The following CAMK1G variants were observed in gnomAD, a reference collection of about 807,000 sequenced individuals.
CAMK1G encodes calcium/calmodulin-dependent protein kinase type 1G.
Under a neutral mutation model 54.8 loss-of-function variants are expected in CAMK1G, and 27 were observed. The ratio of observed to expected loss-of-function variants is 0.49; its 90% confidence interval spans 0.36 to 0.68. The LOEUF is 0.68. Among genes scored for constraint, CAMK1G ranks in the 30% least tolerant of loss-of-function variants. CAMK1G has a pLI of 0.00. For synonymous variants in CAMK1G, 238 were observed against 224.9 expected (o/e 1.06, Z -0.52); for missense variants, 512 against 591.0 (o/e 0.87, Z 1.39).
At chr1:209,609,658 C>T (rs1665734889) in intron 8 of CAMK1G, among the ~76,000 whole-genome samples, 193 bp from the exon 9 acceptor site, 1 of 152,190 alleles carries the variant, frequency 6.6e-6, no homozygotes, top group Non-Finnish European at 1.5e-5. Flanking sequence ...CTTGGAGCTT[C>T]CCTTCTTTGG....
chr1:209,595,903 C>T (rs1256576240), intron 2 of CAMK1G, among the ~76,000 whole-genome samples: 7 of 150,292 alleles, frequency 4.7e-5, no homozygotes, highest in African/African-American at 1.7e-4. Context: ...CTGCCTCTCC[C>T]CTGGGAGGCT....
At chr1:209,603,592 G>A (rs911073413) in intron 4 of CAMK1G, among the ~76,000 whole-genome samples, 10 of 152,126 alleles carry the variant, frequency 6.6e-5, no homozygotes, top group Admixed American at 6.5e-4. Context: ...ACCCATCCAT[G>A]TCCTTCTGCT....
intron 1 of CAMK1G, among the ~76,000 whole-genome samples, chr1:209,585,677 C>A (rs1333537499): frequency 6.6e-6 from 1 of 152,224 alleles, no homozygotes; most frequent in Non-Finnish European, 1.5e-5. Flanking sequence ...AGCCTGGGAG[C>A]GATTCTACCT....
Position 209,611,570 on chromosome 1 carries a change from G to T in CAMK1G, c.915+18G>T. ...AGTGGAGGGTAAGCTGTCCTCTCCA[G>T]GGGGTGGGAAAGCTGTTCTGGGCCC... is the stretch of plus-strand genomic sequence containing the variant. On this transcript the variant is annotated intron_variant, in intron 10 of 12. Coordinates refer to ENST00000361322, the MANE Select transcript of CAMK1G (RefSeq NM_020439.3). The T allele has an allele frequency of 6.2e-7, 1 of 1,607,256 alleles. No homozygotes were observed. Among genetic ancestry groups the T allele is most frequent in the Non-Finnish European group, 8.5e-7 (1 of 1,174,038 alleles).
At chr1:209,595,204 A>G in intron 2 of CAMK1G, 129 bp downstream of exon 2, 1 of 658,848 alleles carries the variant, frequency 1.5e-6, no homozygotes, top group South Asian at 1.9e-5. Context: ...GATTTATTTA[A>G]GGGACTTAGG....
chr1:209,608,865 T>C, intron 7 of CAMK1G, 115 bp from the exon 8 acceptor site: 3 of 1,446,714 alleles, frequency 2.1e-6, no homozygotes, highest in South Asian at 2.7e-5. Flanking sequence ...CACACCACTG[T>C]TCTGGGACCT....
chr1:209,600,001 T>C lies in CAMK1G; in HGVS notation c.111T>C (p.Val37=), dbSNP rs950096767. 5.6e-6 allele frequency: 9 copies of C among 1,613,594 alleles called. No individual in the cohort carries two copies. The highest frequency in any genetic ancestry group is 2.7e-5 in the African/African-American group (2 of 74,938). The change falls in exon 3 of 13, where the codon GTT becomes GTC. Residue 37 remains valine, a synonymous_variant. Transcript: ENST00000361322. ...TCCTCAGAGGAGCTTTCTCAGAAGT[T>C]TTCCTGGTGAAGCAAAGACTGACTG... ...EVLGSGAFSE[V]FLVKQRLTGK... is the part of the protein sequence containing the mutation.
chr1:209,591,101 A>G (rs1165486873), intron 1 of CAMK1G, among the ~76,000 whole-genome samples: 3 of 151,588 alleles, frequency 2.0e-5, no homozygotes, highest in Non-Finnish European at 4.4e-5. Context: ...CTTATATTCT[A>G]TCTTCCTCAG....
chr1:209,611,675 C>A, intron 10 of CAMK1G, 117 bp from the exon 11 acceptor site: 1 of 1,471,212 alleles, frequency 6.8e-7, no homozygotes. Flanking sequence ...CGTGTACCCT[C>A]TCTGAAATGA....
intron 1 of CAMK1G, among the ~76,000 whole-genome samples, chr1:209,588,461 G>A (rs913386927): frequency 6.6e-6 from 1 of 152,134 alleles, no homozygotes; most frequent in African/African-American, 2.4e-5. Context: ...TAAGACTCTG[G>A]ATCACCTAAT....
intron 1 of CAMK1G, among the ~76,000 whole-genome samples, chr1:209,584,086 CT>C (rs1665032263): frequency 6.6e-6 from 1 of 152,158 alleles, no homozygotes; most frequent in Non-Finnish European, 1.5e-5. Flanking sequence ...CCTGCAATGC[CT>C]GCATTCTAGG....
intron 1 of CAMK1G, among the ~76,000 whole-genome samples, chr1:209,584,505 T>C (rs1348828831): frequency 6.6e-6 from 1 of 152,102 alleles, no homozygotes; most frequent in Non-Finnish European, 1.5e-5. Context: ...CTAGTTTACC[T>C]CTCAAGTGAA....
At chr1:209,607,979 C>T (rs1665691800) in intron 7 of CAMK1G, 46 bp downstream of exon 7, 3 of 1,444,438 alleles carry the variant, frequency 2.1e-6, no homozygotes, top group Non-Finnish European at 1.9e-6. Context: ...AGTCTCGGAG[C>T]CTGCTTACCC....
intron 1 of CAMK1G, among the ~76,000 whole-genome samples, chr1:209,584,444 C>T (rs551774474): frequency 4.6e-5 from 7 of 152,168 alleles, no homozygotes; most frequent in Non-Finnish European, 8.8e-5. Flanking sequence ...AAGACAGCTT[C>T]CTTCACCTTC....
At chr1:209,606,234 T>C (rs1665646918) in intron 5 of CAMK1G, 86 bp from the exon 6 acceptor site, 4 of 1,546,732 alleles carry the variant, frequency 2.6e-6, no homozygotes, top group South Asian at 2.4e-5. Context: ...CCAGGGCTCA[T>C]CTTCCTGTGA....
chr1:209,597,282 C>G (rs12074063), intron 2 of CAMK1G, among the ~76,000 whole-genome samples: 3,976 of 152,270 alleles, frequency 0.026, 189 homozygotes, highest in East Asian at 0.24. Flanking sequence ...AGTTGTTGCA[C>G]TGCACAACCT....
chr1:209,599,898 GT>G, intron 2 of CAMK1G, 84 bp from the exon 3 acceptor site: 1 of 1,526,250 alleles, frequency 6.6e-7, no homozygotes, highest in Non-Finnish European at 8.9e-7. Context: ...TATAGACTCT[GT>G]TACGTCCTTT....
chr1:209,588,552 A>G (rs768547187), intron 1 of CAMK1G, among the ~76,000 whole-genome samples: 4 of 152,190 alleles, frequency 2.6e-5, no homozygotes, highest in African/African-American at 4.8e-5. Flanking sequence ...AATGGCTGCA[A>G]CTCAAATAGA....
rs1665484611 is a variant in CAMK1G at position 209,599,876 on chromosome 1, G to A, written c.93-107G>A. The A allele has an allele frequency of 1.0e-5, 14 of 1,341,422 alleles. No homozygotes were observed. In the South Asian group the frequency reaches 1.9e-4, roughly 18 times the overall value. 83.1% of individuals were successfully genotyped at this position (1,341,422 alleles called of 1,614,324 possible). A position where few individuals can be genotyped will look rare whatever the true frequency, so the allele number is the denominator to read the frequency against. On this transcript the variant is annotated intron_variant, in intron 2 of 12. Transcript: ENST00000361322. ...TTTAAATTCAGTATATGCCTTTGTG[G>A]TCAGAGGACTATATAGACTCTGTTA...
Sources: gnomAD v4.1 joint callset for allele counts (sites outside exome capture counted in the v4.1 genomes callset) on GRCh38, gnomAD v4.1.1 for gene constraint, MANE v1.5 for transcripts, NCBI Gene and HGNC (gene_info 2026-07-23, HGNC 2026-07-21) for gene names.